CSMD1: variants seen among roughly 807,000 people sequenced by gnomAD.
CSMD1 encodes the protein CUB and Sushi multiple domains 1.
A neutral mutation model predicts 417.5 loss-of-function variants in CSMD1; 213 were observed. That is an observed-to-expected ratio of 0.51 (90% CI 0.46 to 0.57). The LOEUF is 0.57. CSMD1 is among the 20% of genes least tolerant of loss of function. CSMD1 has a pLI of 0.00. For synonymous variants in CSMD1, 2,862 were observed against 1,736.8 expected (o/e 1.65, Z -16.11); for missense variants, 6,923 against 4,529.7 (o/e 1.53, Z -15.17).
Position 4,898,217 on chromosome 8 carries a change from G to C in CSMD1, c.85+96115C>G, listed in dbSNP as rs142004377. 5.4e-3 allele frequency among the ~76,000 whole-genome samples: 816 copies of C among 152,196 alleles called. 2 individuals are homozygous for C. The highest frequency in any genetic ancestry group is 0.01 in the Middle Eastern group (3 of 294). On this transcript the variant is annotated intron_variant, in intron 1 of 69. Coordinates refer to ENST00000635120, the MANE Select transcript of CSMD1 (RefSeq NM_033225.6). ...ATATTGCAAATGGAATGATTAAAACGCACACATGAACGGAGAGCATCGGGG... is the reference window on the plus strand; with the variant it reads ...ATATTGCAAATGGAATGATTAAAACCCACACATGAACGGAGAGCATCGGGG...
At chr8:3,677,645 T>G (rs1449251217) in intron 7 of CSMD1, among the ~76,000 whole-genome samples, 1 of 152,164 alleles carries the variant, frequency 6.6e-6, no homozygotes, top group African/African-American at 2.4e-5. Context: ...CTCCAGCTAT[T>G]GACATGAAAA....
chr8:4,530,115 G>A lies in CSMD1; in HGVS notation c.302+107227C>T, dbSNP rs368450990. Among the ~76,000 whole-genome samples, 431 of 151,382 alleles carry A rather than the reference G, an allele frequency of 2.8e-3. 5 individuals carry two copies. The highest frequency in any genetic ancestry group is 9.7e-3 in the African/African-American group (401 of 41,334). On this transcript the variant is annotated intron_variant, in intron 2 of 69. Coordinates refer to ENST00000635120, the MANE Select transcript of CSMD1 (RefSeq NM_033225.6). Reference sequence around the variant, plus strand: ...ATTTTAGTAGATACGGGGTTTCACCGTGTTAGCCAGGATGGTCTCGATCTC... The same window carrying A: ...ATTTTAGTAGATACGGGGTTTCACCATGTTAGCCAGGATGGTCTCGATCTC...
chr8:4,413,827 T>G (rs911657441), intron 3 of CSMD1, among the ~76,000 whole-genome samples: 1 of 152,154 alleles, frequency 6.6e-6, no homozygotes, highest in East Asian at 1.9e-4. Flanking sequence ...GTGAGGACCC[T>G]ACTTCTACTT....
intron 5 of CSMD1, among the ~76,000 whole-genome samples, chr8:3,851,880 C>T (rs562382416): frequency 2.0e-5 from 3 of 152,012 alleles, no homozygotes; most frequent in African/African-American, 7.2e-5. Flanking sequence ...AGCCAGTGGG[C>T]TCCATGGATC....
At chr8:4,638,807 T>A (rs1803006726) in intron 1 of CSMD1, among the ~76,000 whole-genome samples, 1 of 152,154 alleles carries the variant, frequency 6.6e-6, no homozygotes, top group South Asian at 2.1e-4. Flanking sequence ...GGCAATTGAG[T>A]GCCACAAAGC....
At chr8:4,292,343 C>T (rs1400169675) in intron 3 of CSMD1, among the ~76,000 whole-genome samples, 1 of 152,126 alleles carries the variant, frequency 6.6e-6, no homozygotes, top group African/African-American at 2.4e-5. Flanking sequence ...ACCTCTGCCT[C>T]CGGGGTTCAC....
At chr8:4,270,954 T>A (rs943555405) in intron 3 of CSMD1, among the ~76,000 whole-genome samples, 3 of 152,280 alleles carry the variant, frequency 2.0e-5, no homozygotes, top group African/African-American at 7.2e-5. Context: ...GAGGGAGCAC[T>A]TTAAACTGTC....
intron 3 of CSMD1, among the ~76,000 whole-genome samples, chr8:4,204,812 A>C (rs1201076161): frequency 2.0e-5 from 3 of 148,356 alleles, no homozygotes; most frequent in African/African-American, 7.7e-5. Context: ...AGGTCAGCAC[A>C]CACAGCTAAC....
chr8:4,791,385 G>A (rs59275405), intron 1 of CSMD1, among the ~76,000 whole-genome samples: 1 of 152,180 alleles, frequency 6.6e-6, no homozygotes, highest in East Asian at 1.9e-4. Context: ...TTCCAATTCA[G>A]CCCTTTGACT....
chr8:3,621,775 T>A (rs191163666), intron 7 of CSMD1, among the ~76,000 whole-genome samples: 137 of 151,490 alleles, frequency 9.0e-4, no homozygotes, highest in Admixed American at 1.6e-3. Context: ...ATTTTATTAT[T>A]ATTATTATTA....
chr8:4,449,107 C>CA (rs1798982691), intron 2 of CSMD1, among the ~76,000 whole-genome samples: 2 of 152,060 alleles, frequency 1.3e-5, no homozygotes, highest in Non-Finnish European at 1.5e-5. Context: ...AAGAGATTTG[C>CA]AAAAATAAAA....
At chr8:4,736,384 G>GGAGA (rs746444649) in intron 1 of CSMD1, among the ~76,000 whole-genome samples, 1 of 151,416 alleles carries the variant, frequency 6.6e-6, no homozygotes, top group Non-Finnish European at 1.5e-5. Flanking sequence ...GAAGATTCCA[G>GGAGA]GAGAGAGAGA....
At chr8:4,788,101 G>T in intron 1 of CSMD1, 1 of 1,603,248 alleles carries the variant, frequency 6.2e-7, no homozygotes, top group Non-Finnish European at 8.5e-7. Context: ...AAATCAGAAA[G>T]TCAGTGCAGG....
intron 25 of CSMD1, among the ~76,000 whole-genome samples, chr8:3,285,995 G>A (rs1054997112): frequency 2.4e-4 from 36 of 151,976 alleles, no homozygotes; most frequent in African/African-American, 8.7e-4. Context: ...TCCCACAACA[G>A]GCCCCAGTGT....
At chr8:3,306,261 T>G (rs1804836968) in intron 25 of CSMD1, among the ~76,000 whole-genome samples, 1 of 152,196 alleles carries the variant, frequency 6.6e-6, no homozygotes, top group South Asian at 2.1e-4. Flanking sequence ...TGTTTATAAA[T>G]ATTTTTCATC....
In CSMD1 at chr8:3,196,996, T is replaced by G. The variant is rs140605593; in HGVS notation, c.5194+2718A>C. On this transcript the variant is annotated intron_variant, in intron 33 of 69. Transcript: ENST00000635120. ...ACCCCATGATGTCACTCACACCTTC[T>G]TCTCTCATGCTTTCCAAATGTACCC... is the stretch of plus-strand genomic sequence containing the variant. 8.5e-5 allele frequency among the ~76,000 whole-genome samples: 13 copies of G among 152,310 alleles called. No individual in the cohort carries two copies. In the East Asian group the frequency reaches 9.6e-4, roughly 11 times the overall value.
At chr8:4,182,345 C>T (rs1047789714) in intron 3 of CSMD1, among the ~76,000 whole-genome samples, 1 of 152,116 alleles carries the variant, frequency 6.6e-6, no homozygotes, top group Non-Finnish European at 1.5e-5. Flanking sequence ...ATCCCCAATA[C>T]ACCTTCCACA....
At chr8:4,685,309 C>T (rs1806300739) in intron 1 of CSMD1, among the ~76,000 whole-genome samples, 1 of 152,212 alleles carries the variant, frequency 6.6e-6, no homozygotes, top group South Asian at 2.1e-4. Flanking sequence ...CGTGTTGGCT[C>T]ATGCCTGTAA....
Position 4,151,566 on chromosome 8 carries a change from G to T in CSMD1, c.416-119467C>A, listed in dbSNP as rs375984649. On this transcript the variant is annotated intron_variant, in intron 3 of 69. Coordinates refer to ENST00000635120, the MANE Select transcript of CSMD1 (RefSeq NM_033225.6). The stretch of plus-strand genomic sequence containing the variant: ...ATACCATAACATTAAATTAACATGG[G>T]GAATTAAAATGTTATCCTTGTCAGA... Among the ~76,000 whole-genome samples the T allele has an allele frequency of 1.6e-4, 25 of 152,112 alleles. No individual in the cohort carries two copies. The South Asian group carries it at 3.7e-3, about 23-fold the overall frequency.
Sources: allele counts gnomAD v4.1 joint callset (sites outside exome capture counted in the v4.1 genomes callset), GRCh38; gene constraint gnomAD v4.1.1; transcripts MANE v1.5; gene names NCBI Gene and HGNC (gene_info 2026-07-23, HGNC 2026-07-21).